Variants in ENPP6 observed in about 807,000 individuals in gnomAD.
ENPP6 encodes glycerophosphocholine cholinephosphodiesterase ENPP6.
A neutral mutation model predicts 42.0 loss-of-function variants in ENPP6; 32 were observed. That is an observed-to-expected ratio of 0.76 (90% CI 0.58 to 1.02). The LOEUF is 1.02. Ranked by LOEUF, ENPP6 falls within the 50% of genes least tolerant of loss-of-function variation. The pLI is 0.00. For missense variants in ENPP6, 552 were observed against 566.8 expected (o/e 0.97, Z 0.27); for synonymous variants, 213 against 216.0 (o/e 0.99, Z 0.12).
intron 1 of ENPP6, among the ~76,000 whole-genome samples, chr4:184,209,328 A>G (rs897717507): frequency 6.8e-6 from 1 of 147,692 alleles, no homozygotes; most frequent in Non-Finnish European, 1.5e-5. Context: ...AAAGAAGTTG[A>G]AAACTTTGAA....
chr4:184,100,561 G>T (rs1735982302), intron 6 of ENPP6, among the ~76,000 whole-genome samples: 5 of 152,214 alleles, frequency 3.3e-5, no homozygotes. Flanking sequence ...GCTTGTGTGT[G>T]TGCGTTCAGG....
chr4:184,212,529 C>T (rs1235776061), intron 1 of ENPP6, among the ~76,000 whole-genome samples: 3 of 151,072 alleles, frequency 2.0e-5, no homozygotes, highest in Non-Finnish European at 2.9e-5. Flanking sequence ...ATCCCACTTA[C>T]AAGGGATGTG....
At chr4:184,132,089 G>A (rs1410117939) in intron 2 of ENPP6, among the ~76,000 whole-genome samples, 3 of 152,278 alleles carry the variant, frequency 2.0e-5, no homozygotes, top group East Asian at 3.9e-4. Context: ...AGGCCCTCAA[G>A]GGATTGGATG....
At chr4:184,137,895 T>A (rs1259382065) in intron 2 of ENPP6, among the ~76,000 whole-genome samples, 4 of 152,230 alleles carry the variant, frequency 2.6e-5, no homozygotes, top group Admixed American at 2.6e-4. Context: ...TGGATGCACC[T>A]CTTTCTCCAG....
At chr4:184,162,833 G>GTT (rs1340738928) in intron 1 of ENPP6, among the ~76,000 whole-genome samples, 3 of 152,202 alleles carry the variant, frequency 2.0e-5, no homozygotes, top group Non-Finnish European at 4.4e-5. Context: ...GCTGCACAGA[G>GTT]TTTAATTCAG....
chr4:184,173,141 A>G (rs145633663), intron 1 of ENPP6, among the ~76,000 whole-genome samples: 87 of 152,058 alleles, frequency 5.7e-4, no homozygotes, highest in African/African-American at 1.9e-3. Flanking sequence ...CTGACCTCAA[A>G]TGATCCACCC....
intron 6 of ENPP6, among the ~76,000 whole-genome samples, chr4:184,104,980 G>A (rs767902181): frequency 1.3e-5 from 2 of 152,252 alleles, no homozygotes; most frequent in African/African-American, 2.4e-5. Context: ...TCCTGGAAGA[G>A]ATGGTGTTTG....
rs1553995023 is a variant in ENPP6, at chr4:184,113,907, C to CTTTCTTTTCT, written c.856-1099_856-1098insAGAAAAGAAA. ...TTTCCTTCCTTTCTTTCTTTTCTTT[C>CTTTCTTTTCT]TTTCTTTCTTTCTTTCTTTCTTTCT... On this transcript the variant is annotated intron_variant, in intron 5 of 7. Coordinates refer to ENST00000296741, the MANE Select transcript of ENPP6 (RefSeq NM_153343.4). Among the ~76,000 whole-genome samples the CTTTCTTTTCT allele has an allele frequency of 1.8e-3, 181 of 100,906 alleles. 2 individuals are homozygous for CTTTCTTTTCT. The highest frequency in any genetic ancestry group is 6.3e-3 in the African/African-American group (171 of 27,018). The allele number at this position is 100,906 out of a possible 152,430, so 66.2% of individuals were successfully genotyped here.
chr4:184,122,518 C>T lies in ENPP6; in HGVS notation c.533+1643G>A, dbSNP rs181123397. On this transcript the variant is annotated intron_variant, in intron 3 of 7. Coordinates refer to ENST00000296741, the MANE Select transcript of ENPP6 (RefSeq NM_153343.4). ...TCTCTAGAGGAAACAGAGCCCAGCA[C>T]TTATTCCCCGCTGCATGCTGGTGTC... Among the ~76,000 whole-genome samples, 7 of 151,424 alleles carry T rather than the reference C, an allele frequency of 4.6e-5. No homozygotes were observed. In the East Asian group the frequency reaches 9.7e-4, roughly 21 times the overall value.
intron 2 of ENPP6, among the ~76,000 whole-genome samples, chr4:184,126,589 A>G (rs1032104844): frequency 6.6e-6 from 1 of 152,232 alleles, no homozygotes; most frequent in Non-Finnish European, 1.5e-5. Context: ...AAGACTAAGG[A>G]CATACATCAG....
chr4:184,162,576 A>AAAGAAAGAAGGAAGG (rs1560997451), intron 1 of ENPP6, among the ~76,000 whole-genome samples: 1 of 145,320 alleles, frequency 6.9e-6, no homozygotes, highest in African/African-American at 2.6e-5. Context: ...AGGAAGGAAG[A>AAAGAAAGAAGGAAGG]AAGGAAGGAA....
chr4:184,179,506 G>A (rs1270460946), intron 1 of ENPP6, among the ~76,000 whole-genome samples: 4 of 152,116 alleles, frequency 2.6e-5, no homozygotes, highest in Admixed American at 1.3e-4. Context: ...GCCCTGGATC[G>A]AGTGGACCTG....
intron 1 of ENPP6, among the ~76,000 whole-genome samples, chr4:184,199,288 G>C (rs575937400): frequency 7.9e-5 from 12 of 152,174 alleles, no homozygotes; most frequent in African/African-American, 2.7e-4. Flanking sequence ...CTCACGGGCT[G>C]GGGGGCTGTT....
At chr4:184,163,730 AG>A (rs140018958) in intron 1 of ENPP6, among the ~76,000 whole-genome samples, 2,042 of 152,316 alleles carry the variant, frequency 0.013, 29 homozygotes, top group Non-Finnish European at 0.017. Context: ...TTAATTTTTA[AG>A]GCATTCATTT....
In ENPP6 at chr4:184,112,719, C is replaced by G; in HGVS notation, c.946G>C (p.Val316Leu). 6.2e-7 allele frequency: 1 copy of G among 1,614,138 alleles called. No homozygotes were observed. The highest frequency in any genetic ancestry group is 8.5e-7 in the Non-Finnish European group (1 of 1,180,020). ...SRFYYKKGKF[V>L]SPLTLVADEG... Reference sequence around the variant, plus strand: ...TCAGCCACTAAAGTCAAAGGAGAGACAAACTTTCCTTTCTTGTAATAGAAC... The same window carrying G: ...TCAGCCACTAAAGTCAAAGGAGAGAGAAACTTTCCTTTCTTGTAATAGAAC... The change falls in exon 6 of 8, where the codon GTC becomes CTC. Residue 316 changes from valine to leucine, a missense_variant. Physicochemically the swap from Val to Leu is conservative, Grantham distance 32. This residue lies in a region of ENPP6 where 545 missense variants were observed against 546.3 expected (regional missense o/e 1.00). Transcript: ENST00000296741.
intron 6 of ENPP6, among the ~76,000 whole-genome samples, chr4:184,108,936 C>T (rs553041767): frequency 4.0e-4 from 61 of 152,312 alleles, no homozygotes; most frequent in South Asian, 1.0e-3. Context: ...AGCAGCGGGA[C>T]GCAGTGGCTC....
chr4:184,189,319 AGTGAAAGAT>A (rs1477347191), intron 1 of ENPP6, among the ~76,000 whole-genome samples: 2 of 152,208 alleles, frequency 1.3e-5, no homozygotes, highest in Non-Finnish European at 2.9e-5. Context: ...GGAAACTGGT[AGTGAAAGAT>A]GTGATTTTCA....
In ENPP6 at chr4:184,117,896, C is replaced by T. The variant is rs774957563; in HGVS notation, c.538G>A (p.Gly180Ser). The change falls in exon 4 of 8, where the codon GGC (glycine) becomes AGC (serine). Residue 180 changes from glycine to serine, a missense_variant. Around this residue, in one of 2 missense-constraint regions of ENPP6, gnomAD observed 545 missense variants for 546.3 expected, o/e 1.00. Transcript: ENST00000296741. ...TATATGGCTGCCAGGTCGGCCCGGC[C>T]ACTCCTGGAGGGACAGAGGAGAGAG... ...VSDALDSFKS[G>S]RADLAAIYHE... is the part of the protein sequence containing the mutation. 6.2e-7 allele frequency: 1 copy of T among 1,614,006 alleles called. No individual in the cohort carries two copies. Among genetic ancestry groups the T allele is most frequent in the Non-Finnish European group, 8.5e-7 (1 of 1,179,958 alleles).
chr4:184,103,561 C>T (rs898767980), intron 6 of ENPP6, among the ~76,000 whole-genome samples: 1 of 152,300 alleles, frequency 6.6e-6, no homozygotes, highest in East Asian at 1.9e-4. Flanking sequence ...TCAGTGAAAA[C>T]GCTGGTGAAA....
Sources: gnomAD v4.1 joint callset for allele counts (sites outside exome capture counted in the v4.1 genomes callset) on GRCh38, gnomAD v4.1.1 for gene constraint, gnomAD v4.1.1 regional missense constraint, MANE v1.5 for transcripts, NCBI Gene and HGNC (gene_info 2026-07-23, HGNC 2026-07-21) for gene names.